Variants in FANCC observed in about 807,000 individuals in gnomAD.
The protein encoded by FANCC is Fanconi anemia group C protein.
FANCC carries 55 observed loss-of-function variants against 71.3 expected under a neutral mutation model. The ratio of observed to expected loss-of-function variants is 0.77; its 90% CI spans 0.62 to 0.97. The LOEUF (loss-of-function observed/expected upper bound fraction) is 0.97, where lower values mean the gene tolerates loss of function less well. Ranked by LOEUF, FANCC falls within the 50% of genes least tolerant of loss-of-function variation. The probability of loss-of-function intolerance (pLI) is 0.00; values close to 1 mark genes in which losing one functional copy is unlikely to be tolerated. For synonymous variants in FANCC, 275 were observed against 244.9 expected (o/e 1.12, Z -1.15); for missense variants, 678 against 670.9 (o/e 1.01, Z -0.12).
intron 1 of FANCC, chr9:95,294,730 G>T: frequency 6.2e-7 from 1 of 1,602,746 alleles, no homozygotes; most frequent in East Asian, 2.2e-5. Context: ...GGCTGATATG[G>T]CCTGGAACAT....
Position 95,147,409 on chromosome 9 carries a change from G to T in FANCC, c.686+2514C>A, listed in dbSNP as rs185454641. 2.0e-5 allele frequency among the ~76,000 whole-genome samples: 3 copies of T among 152,212 alleles called. No individual in the cohort carries two copies. The South Asian group carries it at 6.2e-4, about 32-fold the overall frequency. ...TGCATGCCTGTAATCCCAGCTACTC[G>T]GGAGGCTGAGGCAGGAGAATCACTT... On this transcript the variant is annotated intron_variant, in intron 7 of 14. Coordinates refer to ENST00000289081, the MANE Select transcript of FANCC (RefSeq NM_000136.3).
intron 10 of FANCC, chr9:95,123,828 C>CTTTTTTTAA: frequency 1.1e-5 from 7 of 665,034 alleles, no homozygotes; most frequent in South Asian, 5.5e-5. Flanking sequence ...CAATTTAGAC[C>CTTTTTTTAA]TGCGGATGCT....
chr9:95,257,323 A>G (rs915055766), intron 1 of FANCC, among the ~76,000 whole-genome samples: 4 of 151,878 alleles, frequency 2.6e-5, no homozygotes, highest in East Asian at 1.9e-4. Context: ...AACGGAAATC[A>G]TAACAGTCTC....
chr9:95,151,536 C>T (rs1830165943), intron 6 of FANCC, among the ~76,000 whole-genome samples: 1 of 152,134 alleles, frequency 6.6e-6, no homozygotes, highest in Admixed American at 6.5e-5. Flanking sequence ...TATCAGTAGG[C>T]ACTGAGGCTG....
intron 1 of FANCC, among the ~76,000 whole-genome samples, chr9:95,285,088 G>C (rs1833611293): frequency 1.3e-5 from 2 of 151,962 alleles, no homozygotes; most frequent in African/African-American, 4.8e-5. Context: ...TGTTGCCAAA[G>C]AGAAGGATTG....
chr9:95,140,634 G>T (rs1445402851), intron 7 of FANCC, among the ~76,000 whole-genome samples: 6 of 152,156 alleles, frequency 3.9e-5, no homozygotes, highest in East Asian at 3.9e-4. Context: ...AGGTGCACTG[G>T]CAACAGTCCA....
intron 4 of FANCC, among the ~76,000 whole-genome samples, chr9:95,216,904 G>A (rs905868708): frequency 3.9e-5 from 6 of 151,932 alleles, no homozygotes; most frequent in African/African-American, 1.5e-4. Flanking sequence ...AGTCTAACTT[G>A]TTACCTTCCA....
At chr9:95,219,812 C>A (rs1320732429) in intron 4 of FANCC, among the ~76,000 whole-genome samples, 1 of 152,130 alleles carries the variant, frequency 6.6e-6, no homozygotes, top group Non-Finnish European at 1.5e-5. Context: ...TGGACAAGGA[C>A]TTCATGACTA....
At chr9:95,200,372 T>C (rs1588270420) in intron 4 of FANCC, among the ~76,000 whole-genome samples, 1 of 152,216 alleles carries the variant, frequency 6.6e-6, no homozygotes, top group African/African-American at 2.4e-5. Context: ...AGGGAATTAA[T>C]TGGGGTAAGT....
chr9:95,102,873 C>G (rs945790891), intron 14 of FANCC, among the ~76,000 whole-genome samples: 1 of 152,190 alleles, frequency 6.6e-6, no homozygotes, highest in African/African-American at 2.4e-5. Flanking sequence ...TCTCCTCGGC[C>G]CCCCCTGGCA....
At chr9:95,277,337 A>G (rs1027890653) in intron 1 of FANCC, among the ~76,000 whole-genome samples, 2 of 152,206 alleles carry the variant, frequency 1.3e-5, no homozygotes. Flanking sequence ...TAATGTATGC[A>G]TATTTCAAAA....
At chr9:95,260,699 A>C (rs1293475858) in intron 1 of FANCC, among the ~76,000 whole-genome samples, 5 of 151,922 alleles carry the variant, frequency 3.3e-5, no homozygotes, top group African/African-American at 9.7e-5. Flanking sequence ...AAAAAAAAAA[A>C]AAACTTCCAG....
intron 8 of FANCC, among the ~76,000 whole-genome samples, chr9:95,131,055 A>C (rs919179189): frequency 6.6e-6 from 1 of 152,218 alleles, no homozygotes; most frequent in African/African-American, 2.4e-5. Context: ...CGGAAAAATT[A>C]TTCTTTCTTT....
In FANCC at chr9:95,171,533, A is replaced by G. The variant is rs979882371; in HGVS notation, c.457-390T>C. Among the ~76,000 whole-genome samples, 9 of 152,306 alleles carry G rather than the reference A, an allele frequency of 5.9e-5. No homozygotes were observed. In the South Asian group the frequency reaches 8.3e-4, roughly 14 times the overall value. ...TGGTTAACAAACATTAAAAAATCTC[A>G]TAACATTTTTTAGAAGAGTTACATC... is the stretch of plus-strand genomic sequence containing the variant. On this transcript the variant is annotated intron_variant, in intron 5 of 14. Transcript: ENST00000289081.
intron 1 of FANCC, among the ~76,000 whole-genome samples, chr9:95,316,173 C>T (rs1022943648): frequency 6.6e-6 from 1 of 152,184 alleles, no homozygotes; most frequent in Admixed American, 6.5e-5. Flanking sequence ...GGCTCTATTA[C>T]TGGGAGTAGT....
At chr9:95,293,325 T>C (rs961515805) in intron 1 of FANCC, 39 of 1,610,644 alleles carry the variant, frequency 2.4e-5, no homozygotes, top group South Asian at 3.3e-5. Context: ...CCTGTGGTGT[T>C]AGGTGTTGAT....
intron 1 of FANCC, among the ~76,000 whole-genome samples, chr9:95,269,953 C>G (rs927935932): frequency 3.9e-5 from 6 of 152,188 alleles, no homozygotes; most frequent in African/African-American, 1.4e-4. Flanking sequence ...TATTGATCAT[C>G]TGCCTTCAAG....
chr9:95,195,027 G>A (rs968028983), intron 4 of FANCC, among the ~76,000 whole-genome samples: 27 of 151,804 alleles, frequency 1.8e-4, no homozygotes, highest in African/African-American at 4.3e-4. Context: ...GTGAAACCCC[G>A]TCTCTACTAA....
At chr9:95,131,535 C>G (rs557701466) in intron 8 of FANCC, among the ~76,000 whole-genome samples, 9 of 152,314 alleles carry the variant, frequency 5.9e-5, no homozygotes, top group Admixed American at 2.6e-4. Context: ...CTGGTGCCCC[C>G]CTGAGGCTAA....
Sources: gnomAD v4.1 joint callset for allele counts (sites outside exome capture counted in the v4.1 genomes callset) on GRCh38, gnomAD v4.1.1 for gene constraint, MANE v1.5 for transcripts, NCBI Gene and HGNC (gene_info 2026-07-23, HGNC 2026-07-21) for gene names.